The following ADAMTS19 variants were observed in gnomAD, a reference collection of about 807,000 sequenced individuals.
ADAMTS19 encodes ADAM metallopeptidase with thrombospondin type 1 motif 19, also known as A disintegrin and metalloproteinase with thrombospondin motifs 19.
Under a neutral mutation model 153.3 loss-of-function variants are expected in ADAMTS19, and 93 were observed. The observed-to-expected ratio is 0.61, with a 90% confidence interval of 0.51 to 0.72. The LOEUF (loss-of-function observed/expected upper bound fraction) is 0.72, where lower values mean the gene tolerates loss of function less well. ADAMTS19 is among the 30% of genes least tolerant of loss of function. The pLI is 0.00. For synonymous variants in ADAMTS19, 600 were observed against 556.6 expected (o/e 1.08, Z -1.10); for missense variants, 1,482 against 1,552.1 (o/e 0.95, Z 0.76).
At chr5:129,513,617 T>C (rs1022137304) in intron 3 of ADAMTS19, among the ~76,000 whole-genome samples, 2 of 152,098 alleles carry the variant, frequency 1.3e-5, no homozygotes, top group African/African-American at 4.8e-5. Flanking sequence ...AGGTAGATAG[T>C]ATTTGTATCC....
At position 129,698,346 on chromosome 5, in the gene ADAMTS19, T is replaced by C. The variant is rs570473062; in HGVS notation, c.2955-3042T>C. 3.2e-3 allele frequency among the ~76,000 whole-genome samples: 483 copies of C among 152,340 alleles called. 2 individuals carry two copies. Among genetic ancestry groups the C allele is most frequent in the Non-Finnish European group, 5.1e-3 (345 of 68,034 alleles). ...GGAAGAGTACATCCTTTATTCCTCC[T>C]GTCTTTCCCCTTTCTCCAACCTAGT... On this transcript the variant is annotated intron_variant, in intron 19 of 22. Transcript: ENST00000274487.
chr5:129,617,187 G>A (rs1209058151), intron 8 of ADAMTS19, among the ~76,000 whole-genome samples: 1 of 151,906 alleles, frequency 6.6e-6, no homozygotes. Flanking sequence ...TTCCAGATGT[G>A]TGCTTAAAAA....
chr5:129,711,503 A>T (rs1042114262), intron 21 of ADAMTS19, among the ~76,000 whole-genome samples: 1 of 152,068 alleles, frequency 6.6e-6, no homozygotes, highest in Non-Finnish European at 1.5e-5. Flanking sequence ...ATGAAACTCC[A>T]TCTCTACCAA....
chr5:129,475,299 C>T (rs569324962), intron 2 of ADAMTS19, among the ~76,000 whole-genome samples: 18 of 152,044 alleles, frequency 1.2e-4, no homozygotes, highest in Non-Finnish European at 2.5e-4. Flanking sequence ...ATGTACTTCT[C>T]CAGTGGTATC....
chr5:129,694,021 GT>G lies in ADAMTS19; in HGVS notation c.2819-696del, dbSNP rs1206579003. 2.6e-5 allele frequency among the ~76,000 whole-genome samples: 4 copies of G among 152,278 alleles called. No individual in the cohort carries two copies. In the East Asian group the frequency reaches 7.7e-4, roughly 29 times the overall value. ...ACCAAATGATAAAATGTGCACACAT[GT>G]TTATGTGCTTTCAGAAAGGCTCATT... On this transcript the variant is annotated intron_variant, in intron 18 of 22. Coordinates refer to ENST00000274487, the MANE Select transcript of ADAMTS19 (RefSeq NM_133638.6).
At chr5:129,509,770 G>T (rs1751377831) in intron 3 of ADAMTS19, among the ~76,000 whole-genome samples, 1 of 151,922 alleles carries the variant, frequency 6.6e-6, no homozygotes, top group Non-Finnish European at 1.5e-5. Context: ...AATCCCTTAA[G>T]TCTGGAACTT....
At chr5:129,535,020 C>T (rs889093211) in intron 6 of ADAMTS19, among the ~76,000 whole-genome samples, 1 of 152,182 alleles carries the variant, frequency 6.6e-6, no homozygotes, top group African/African-American at 2.4e-5. Context: ...GGGATGCCCT[C>T]TCTCACCACT....
chr5:129,555,550 G>A (rs1581080004), intron 7 of ADAMTS19, among the ~76,000 whole-genome samples: 1 of 152,142 alleles, frequency 6.6e-6, no homozygotes, highest in East Asian at 1.9e-4. Context: ...CTAATATCTC[G>A]AAAGCTTGGA....
At chr5:129,524,373 C>A (rs1226203441) in intron 3 of ADAMTS19, among the ~76,000 whole-genome samples, 15 of 151,940 alleles carry the variant, frequency 9.9e-5, no homozygotes, top group Admixed American at 9.8e-4. Flanking sequence ...ACTTAGGCAG[C>A]ACCATTCAGG....
intron 7 of ADAMTS19, among the ~76,000 whole-genome samples, chr5:129,558,959 T>C (rs547152145): frequency 6.6e-6 from 1 of 151,974 alleles, no homozygotes; most frequent in African/African-American, 2.4e-5. Flanking sequence ...TACACAGAAA[T>C]GTTAATCATA....
At chr5:129,697,184 A>G (rs933709876) in intron 19 of ADAMTS19, among the ~76,000 whole-genome samples, 3 of 152,142 alleles carry the variant, frequency 2.0e-5, no homozygotes, top group African/African-American at 7.2e-5. Flanking sequence ...GGTTAGTCTT[A>G]GGATCTCTGT....
chr5:129,671,748 A>G (rs1754310905), intron 16 of ADAMTS19, among the ~76,000 whole-genome samples: 1 of 152,150 alleles, frequency 6.6e-6, no homozygotes, highest in African/African-American at 2.4e-5. Flanking sequence ...GTAATTTATC[A>G]AAAAGCCTAA....
rs747926466 is a variant in ADAMTS19 at position 129,551,782 on chromosome 5, T to C, written c.1329-82T>C. 1.0e-4 allele frequency: 83 copies of C among 794,776 alleles called. 1 individual carries two copies. Among genetic ancestry groups the C allele is most frequent in the Non-Finnish European group, 1.6e-4 (77 of 492,052 alleles). The allele number at this position is 794,776 out of a possible 1,614,324, so 49.2% of individuals were successfully genotyped here. ...GACAGATGTGCTTCAATTAATCATA[T>C]AACTATTAAAAATGAGTCACTTGAT... is the stretch of plus-strand genomic sequence containing the variant. On this transcript the variant is annotated intron_variant, in intron 6 of 22. Coordinates refer to ENST00000274487, the MANE Select transcript of ADAMTS19 (RefSeq NM_133638.6).
At chr5:129,574,285 G>T (rs1581100850) in intron 7 of ADAMTS19, among the ~76,000 whole-genome samples, 1 of 151,848 alleles carries the variant, frequency 6.6e-6, no homozygotes, top group Non-Finnish European at 1.5e-5. Context: ...TTTTTTTTCG[G>T]CATTTTTTTC....
At chr5:129,568,410 T>G (rs1309521867) in intron 7 of ADAMTS19, among the ~76,000 whole-genome samples, 1 of 152,108 alleles carries the variant, frequency 6.6e-6, no homozygotes, top group Middle Eastern at 3.2e-3. Flanking sequence ...CTTTCAATAT[T>G]CCATTTGAAA....
At chr5:129,620,871 G>T in intron 9 of ADAMTS19, 113 bp downstream of exon 9, 1 of 1,127,998 alleles carries the variant, frequency 8.9e-7, no homozygotes. Flanking sequence ...TAAAACTGAA[G>T]GTACTTGGTT....
chr5:129,464,234 G>A (rs538038048), intron 2 of ADAMTS19, among the ~76,000 whole-genome samples: 2 of 152,192 alleles, frequency 1.3e-5, no homozygotes, highest in African/African-American at 2.4e-5. Context: ...CAAAAGCCTT[G>A]TCTGCAAGAA....
intron 13 of ADAMTS19, 83 bp downstream of exon 13, chr5:129,649,053 AC>A (rs1169056029): frequency 1.6e-6 from 2 of 1,283,892 alleles, no homozygotes; most frequent in African/African-American, 3.0e-5. Flanking sequence ...AGATTATTTT[AC>A]CTATTATCTT....
At chr5:129,731,397 A>G (rs1462168951) in intron 21 of ADAMTS19, among the ~76,000 whole-genome samples, 2 of 152,162 alleles carry the variant, frequency 1.3e-5, no homozygotes, top group Non-Finnish European at 2.9e-5. Context: ...ATGGAGTCAA[A>G]TACAAAGTTA....
Sources: allele counts gnomAD v4.1 joint callset (sites outside exome capture counted in the v4.1 genomes callset), GRCh38; gene constraint gnomAD v4.1.1; transcripts MANE v1.5; gene names NCBI Gene and HGNC (gene_info 2026-07-23, HGNC 2026-07-21).